Variants in COG2 observed in about 807,000 individuals in gnomAD.
The protein encoded by COG2 is component of oligomeric golgi complex 2, also known as conserved oligomeric Golgi complex subunit 2.
Under a neutral mutation model 90.6 loss-of-function variants are expected in COG2, and 52 were observed. The observed-to-expected ratio is 0.57, with a 90% CI of 0.46 to 0.72. COG2 has a LOEUF of 0.72. Ranked by LOEUF, COG2 falls within the 30% of genes least tolerant of loss-of-function variation. The pLI is 0.00. For synonymous variants in COG2, 337 were observed against 320.4 expected (o/e 1.05, Z -0.55); for missense variants, 829 against 891.2 (o/e 0.93, Z 0.89).
At chr1:230,653,214 A>AT (rs1326769323) in intron 1 of COG2, among the ~76,000 whole-genome samples, 8 of 142,006 alleles carry the variant, frequency 5.6e-5, no homozygotes, top group African/African-American at 2.1e-4. Flanking sequence ...TTTATTTTTC[A>AT]TTTTTTGTTT....
At chr1:230,662,253 G>A (rs1002861152) in intron 3 of COG2, among the ~76,000 whole-genome samples, 8 of 151,888 alleles carry the variant, frequency 5.3e-5, no homozygotes, top group Admixed American at 1.3e-4. Context: ...TTCCTTTTTG[G>A]CTTCCAACTC....
At chr1:230,670,784 T>C (rs746814909) in intron 7 of COG2, 2 of 152,046 alleles carry the variant, frequency 1.3e-5, no homozygotes, top group Non-Finnish European at 2.9e-5. Flanking sequence ...GCCTGGCTAA[T>C]GTTTTTTTTG....
At chr1:230,683,800 C>CT (rs751224712) in intron 11 of COG2, among the ~76,000 whole-genome samples, 165 bp downstream of exon 11, 6 of 146,492 alleles carry the variant, frequency 4.1e-5, no homozygotes, top group Admixed American at 1.4e-4. Context: ...CTTTTTTTTG[C>CT]TTTTTTTTTG....
At chr1:230,686,725 C>G (rs1536592) in intron 12 of COG2, among the ~76,000 whole-genome samples, 1 of 152,210 alleles carries the variant, frequency 6.6e-6, no homozygotes, top group African/African-American at 2.4e-5. Flanking sequence ...GTAAATGTAC[C>G]TGGGGCCGTA....
chr1:230,681,643 C>G (rs1331372692), intron 10 of COG2: 1 of 152,200 alleles, frequency 6.6e-6, no homozygotes, highest in African/African-American at 2.4e-5. Context: ...TTGGGGTTGC[C>G]CTTCTTACAT....
chr1:230,672,557 G>A (rs1376732090), intron 8 of COG2, among the ~76,000 whole-genome samples: 7 of 152,026 alleles, frequency 4.6e-5, no homozygotes, highest in Admixed American at 1.3e-4. Context: ...TTGACCGGGC[G>A]TAGTGGCTCA....
At chr1:230,673,318 G>T (rs1161553319) in intron 8 of COG2, among the ~76,000 whole-genome samples, 1 of 152,192 alleles carries the variant, frequency 6.6e-6, no homozygotes, top group Non-Finnish European at 1.5e-5. Flanking sequence ...TCACTGTGTT[G>T]CAGGTTCTGC....
At chr1:230,667,782 T>C (rs1163324400) in intron 5 of COG2, among the ~76,000 whole-genome samples, 1 of 152,084 alleles carries the variant, frequency 6.6e-6, no homozygotes, top group East Asian at 1.9e-4. Flanking sequence ...TATGTCCTCA[T>C]GATAGGGACA....
chr1:230,676,580 A>G (rs2102764011), intron 9 of COG2, among the ~76,000 whole-genome samples: 1 of 152,204 alleles, frequency 6.6e-6, no homozygotes, highest in South Asian at 2.1e-4. Flanking sequence ...TATTGTTTTA[A>G]ATCATCATCG....
rs992648269 is a variant in COG2 at position 230,678,064 on chromosome 1, A to G, written c.1027-849A>G. The G allele has an allele frequency of 7.7e-5, 76 of 985,298 alleles. 1 individual carries two copies. In the Admixed American group the frequency reaches 1.2e-3, roughly 16 times the overall value. The allele number at this position is 985,298 out of a possible 1,614,324, so 61.0% of individuals were successfully genotyped here. ...CCTTTCTAAGCACAGACTTTAGCAT[A>G]TTTAGATTAATGGTTTGATGACCCT... On this transcript the variant is annotated intron_variant, in intron 9 of 17. Coordinates refer to ENST00000366669, the MANE Select transcript of COG2 (RefSeq NM_007357.3).
rs1474469326 is a variant in COG2 at position 230,688,170 on chromosome 1, TC to T, written c.1651+28del. 2.1e-6 allele frequency: 3 copies of T among 1,455,328 alleles called. No individual in the cohort carries two copies. In the South Asian group the frequency reaches 3.7e-5, roughly 18 times the overall value. The allele number at this position is 1,455,328 out of a possible 1,614,324, so 90.2% of individuals were successfully genotyped here. On this transcript the variant is annotated intron_variant, in intron 14 of 17. Coordinates refer to ENST00000366669, the MANE Select transcript of COG2 (RefSeq NM_007357.3). The stretch of plus-strand genomic sequence containing the variant: ...TAAAAATGAATCTTGACTAAGCAAA[TC>T]TTTGAATAAGAAATGATTTAAAATA...
rs1469033134 is a variant in COG2, at chr1:230,659,426, A to G, written c.73-38A>G. The G allele has an allele frequency of 2.6e-6, 4 of 1,527,350 alleles. No individual in the cohort carries two copies. The African/African-American group carries it at 5.5e-5, about 21-fold the overall frequency. The allele number at this position is 1,527,350 out of a possible 1,614,324, so 94.6% of individuals were successfully genotyped here. On this transcript the variant is annotated intron_variant, in intron 1 of 17. Coordinates refer to ENST00000366669, the MANE Select transcript of COG2 (RefSeq NM_007357.3). ...CATTTGTATATGTCACTGTGATATC[A>G]TTGCTATAATTTTTTCTTCTCTGGT...
rs5781597 is a variant in COG2 at position 230,683,733 on chromosome 1, G to GT, written c.1228+110dup. ...GCAGTATTCTGAGCGTACTTTTACT[G>GT]TTTTTTTTTTTTAATCATACAGTAA... On this transcript the variant is annotated intron_variant, in intron 11 of 17. Coordinates refer to ENST00000366669, the MANE Select transcript of COG2 (RefSeq NM_007357.3). 0.66 allele frequency: 330,168 copies of GT among 501,280 alleles called. 82,532 individuals are homozygous for GT. Among genetic ancestry groups the GT allele is most frequent in the African/African-American group, 0.77 (37,815 of 48,950 alleles). 31.1% of individuals were successfully genotyped at this position (501,280 alleles called of 1,614,324 possible).
intron 9 of COG2, among the ~76,000 whole-genome samples, chr1:230,677,308 T>C (rs1277102445): frequency 1.3e-5 from 2 of 152,212 alleles, no homozygotes; most frequent in African/African-American, 4.8e-5. Flanking sequence ...TTGTCTAGCC[T>C]CCCTGGCGAA....
At chr1:230,654,267 A>G (rs1416348455) in intron 1 of COG2, among the ~76,000 whole-genome samples, 1 of 152,188 alleles carries the variant, frequency 6.6e-6, no homozygotes, top group Non-Finnish European at 1.5e-5. Context: ...TTAAGTCTTT[A>G]ATCCATCTTG....
At position 230,659,520 on chromosome 1, in the gene COG2, A is replaced by G; in HGVS notation, c.129A>G (p.Glu43=). 6.2e-7 allele frequency: 1 copy of G among 1,614,026 alleles called. No homozygotes were observed. Among genetic ancestry groups the G allele is most frequent in the East Asian group, 2.2e-5 (1 of 44,886 alleles). The part of the protein sequence containing the change: ...VSDCRKRVQL[E]ELRDDLELYY... ...ACTGTAGGAAGCGGGTCCAGCTGGA[A>G]GAACTGAGAGATGACCTGGAGCTCT... Residue 43 remains glutamate, a synonymous_variant, in exon 2 of 18, where the codon GAA becomes GAG. Coordinates refer to ENST00000366669, the MANE Select transcript of COG2 (RefSeq NM_007357.3).
chr1:230,686,938 TCAC>T lies in COG2; in HGVS notation c.1385_1387del (p.Ser462_Leu463delinsPhe), dbSNP rs1376911497. The T allele has an allele frequency of 1.3e-6, 2 of 1,517,280 alleles. No homozygotes were observed. Among genetic ancestry groups the T allele is most frequent in the Admixed American group, 4.2e-5 (2 of 47,876 alleles). The allele number at this position is 1,517,280 out of a possible 1,614,324, so 94.0% of individuals were successfully genotyped here. A position where few individuals can be genotyped will look rare whatever the true frequency, so the allele number is the denominator to read the frequency against. Reference sequence around the variant, plus strand: ...AATCAGTGAAATCCTTTTTCAGCTTTCACTCAGGCCCATTTCTAATGAAAGTCC... The same window carrying T: ...AATCAGTGAAATCCTTTTTCAGCTTTTCAGGCCCATTTCTAATGAAAGTCC... On this transcript the variant is annotated inframe_deletion, in exon 13 of 18. Transcript: ENST00000366669.
intron 6 of COG2, chr1:230,669,055 C>G: frequency 4.5e-6 from 2 of 449,290 alleles, no homozygotes; most frequent in Non-Finnish European, 7.8e-6. Context: ...TTAATTTATC[C>G]AAAGCCCTTA....
intron 3 of COG2, 145 bp downstream of exon 3, chr1:230,660,968 A>G (rs1205877462): frequency 2.7e-5 from 12 of 449,860 alleles, no homozygotes; most frequent in Non-Finnish European, 4.7e-5. Flanking sequence ...TCCTCAGAAA[A>G]GTTGTAAATC....
Sources: gnomAD v4.1 joint callset for allele counts (sites outside exome capture counted in the v4.1 genomes callset) on GRCh38, gnomAD v4.1.1 for gene constraint, MANE v1.5 for transcripts, NCBI Gene and HGNC (gene_info 2026-07-23, HGNC 2026-07-21) for gene names.